The following TMEM232 variants were observed in gnomAD, a reference collection of about 807,000 sequenced individuals.
The protein encoded by TMEM232 is transmembrane protein 232.
In TMEM232, 80 loss-of-function variants were observed where a neutral mutation model predicts 78.8. That is an observed-to-expected ratio of 1.01 (90% CI 0.85 to 1.22). The LOEUF is 1.22. TMEM232 is among the 50% of genes most tolerant of loss of function. The pLI, the probability that TMEM232 is intolerant of heterozygous loss-of-function variation, is 0.00. For missense variants in TMEM232, 881 were observed against 742.2 expected, an observed-to-expected ratio of 1.19 and a Z score of -2.17; for synonymous variants, 297 against 254.3, an observed-to-expected ratio of 1.17 and a Z score of -1.60.
intron 1 of TMEM232, among the ~76,000 whole-genome samples, chr5:110,717,803 C>T (rs1198356826): frequency 6.6e-6 from 1 of 152,114 alleles, no homozygotes; most frequent in Non-Finnish European, 1.5e-5. Context: ...TCTCCTGACA[C>T]CATGTGAAGG....
intron 12 of TMEM232, 131 bp downstream of exon 12, chr5:110,528,457 G>C (rs1770934113): frequency 2.3e-6 from 2 of 861,716 alleles, no homozygotes; most frequent in Non-Finnish European, 3.3e-6. Flanking sequence ...TCATCTAAGA[G>C]GTGATCAAGC....
At chr5:110,511,767 CA>C (rs1055116379) in intron 12 of TMEM232, among the ~76,000 whole-genome samples, 8 of 152,170 alleles carry the variant, frequency 5.3e-5, no homozygotes, top group African/African-American at 1.9e-4. Context: ...ACCTCAAACA[CA>C]AACACATACT....
upstream of TMEM232, among the ~76,000 whole-genome samples, chr5:110,731,311 C>G (rs560339987): frequency 6.6e-6 from 1 of 152,320 alleles, no homozygotes; most frequent in African/African-American, 2.4e-5. Flanking sequence ...GTTGGTGGAC[C>G]TAACATTCTG....
At chr5:110,410,306 T>A (rs1755944228) in intron 2 of TMEM232, among the ~76,000 whole-genome samples, 6 of 152,238 alleles carry the variant, frequency 3.9e-5, no homozygotes, top group Non-Finnish European at 1.5e-5. Context: ...TTTTAAATAC[T>A]CATGCATACG....
intron 12 of TMEM232, among the ~76,000 whole-genome samples, chr5:110,518,146 T>C (rs199615442): frequency 2.7e-5 from 4 of 149,566 alleles, no homozygotes; most frequent in Admixed American, 6.7e-5. Context: ...CTCTCTCTCT[T>C]TCTCTGTCTC....
chr5:110,531,632 T>C (rs974915175), intron 11 of TMEM232, among the ~76,000 whole-genome samples: 3 of 152,172 alleles, frequency 2.0e-5, no homozygotes, highest in African/African-American at 7.2e-5. Context: ...TTTATTCGTC[T>C]CCTTTTAGCC....
At chr5:110,706,411 A>C (rs1033443183) in intron 1 of TMEM232, among the ~76,000 whole-genome samples, 7 of 152,016 alleles carry the variant, frequency 4.6e-5, no homozygotes, top group Non-Finnish European at 1.0e-4. Context: ...ATTATTGATT[A>C]TTTTTCTAAT....
chr5:110,450,287 T>C (rs1760126180), intron 12 of TMEM232, among the ~76,000 whole-genome samples: 1 of 152,164 alleles, frequency 6.6e-6, no homozygotes. Flanking sequence ...CAATTATTTT[T>C]TAGCTCTTCT....
chr5:110,420,292 A>ACAAT lies in TMEM232; in HGVS notation c.*284_*287dup, dbSNP rs1395061382. ...GAGAATCAGTTATCAAGTATGCTGT[A>ACAAT]CAATCATGAGATAAAGGTCAATTGA... On this transcript the variant is annotated 3_prime_UTR_variant, in exon 14 of 14. Coordinates refer to ENST00000455884, the MANE Select transcript of TMEM232 (RefSeq NM_001039763.4). 1 of 226,548 alleles carries ACAAT rather than the reference A, an allele frequency of 4.4e-6. No homozygotes were observed. Among genetic ancestry groups the ACAAT allele is most frequent in the African/African-American group, 2.3e-5 (1 of 43,994 alleles). 14.0% of individuals were successfully genotyped at this position (226,548 alleles called of 1,614,324 possible).
chr5:110,528,941 T>G, intron 11 of TMEM232, 106 bp from the exon 12 acceptor site: 2 of 1,034,298 alleles, frequency 1.9e-6, no homozygotes, highest in Non-Finnish European at 2.5e-6. Context: ...CTTTGACTAA[T>G]ATTGCATTTT....
chr5:110,659,077 T>C (rs576966339), intron 2 of TMEM232, among the ~76,000 whole-genome samples: 6 of 152,230 alleles, frequency 3.9e-5, no homozygotes, highest in East Asian at 1.9e-4. Context: ...TCCCATAATA[T>C]GCGTCTTTTG....
intron 10 of TMEM232, among the ~76,000 whole-genome samples, chr5:110,590,345 G>A (rs551966908): frequency 6.6e-6 from 1 of 152,160 alleles, no homozygotes; most frequent in African/African-American, 2.4e-5. Context: ...TGTCCTGTTA[G>A]GAATTGGGCC....
intron 2 of TMEM232, among the ~76,000 whole-genome samples, chr5:110,652,465 T>C (rs1788472691): frequency 6.6e-6 from 1 of 152,236 alleles, no homozygotes; most frequent in African/African-American, 2.4e-5. Context: ...TAATATCTAA[T>C]TCAATTTCTA....
rs140602604 is a variant in TMEM232 at position 110,690,678 on chromosome 5, T to C, written c.-12-23314A>G. Among the ~76,000 whole-genome samples the C allele has an allele frequency of 9.0e-3, 1,371 of 152,306 alleles. 11 individuals are homozygous for C. The highest frequency in any genetic ancestry group is 0.012 in the Non-Finnish European group (795 of 68,022). Reference sequence around the variant, plus strand: ...TACTATAAACACACATGCACACATATGCTTATTGCAGCACTATTCACAGTA... The same window carrying C: ...TACTATAAACACACATGCACACATACGCTTATTGCAGCACTATTCACAGTA... On this transcript the variant is annotated intron_variant, in intron 1 of 13. Coordinates refer to ENST00000455884, the MANE Select transcript of TMEM232 (RefSeq NM_001039763.4).
At position 110,464,612 on chromosome 5, in the gene TMEM232, G is replaced by T. The variant is rs934502294; in HGVS notation, c.1704-39696C>A. On this transcript the variant is annotated intron_variant, in intron 12 of 13. Coordinates refer to ENST00000455884, the MANE Select transcript of TMEM232 (RefSeq NM_001039763.4). ...GGTGTATCACAAAGAATCAGTCAGAGAATTTTAAAATGTCATCTTTATATA... is the reference window on the plus strand; with the variant it reads ...GGTGTATCACAAAGAATCAGTCAGATAATTTTAAAATGTCATCTTTATATA... Among the ~76,000 whole-genome samples, 28 of 152,186 alleles carry T rather than the reference G, an allele frequency of 1.8e-4. 1 individual carries two copies. The highest frequency in any genetic ancestry group is 5.9e-4 in the Admixed American group (9 of 15,284).
At chr5:110,690,890 C>T (rs1794035861) in intron 1 of TMEM232, among the ~76,000 whole-genome samples, 1 of 151,848 alleles carries the variant, frequency 6.6e-6, no homozygotes, top group South Asian at 2.1e-4. Flanking sequence ...AACCAAACAC[C>T]ACATGTTCTC....
At chr5:110,437,701 A>G (rs971963284) in intron 12 of TMEM232, among the ~76,000 whole-genome samples, 3 of 152,092 alleles carry the variant, frequency 2.0e-5, no homozygotes, top group African/African-American at 7.2e-5. Flanking sequence ...AAATGTTATG[A>G]AGCACCAGTT....
At chr5:110,430,614 T>C (rs1665917235) in intron 12 of TMEM232, among the ~76,000 whole-genome samples, 1 of 151,812 alleles carries the variant, frequency 6.6e-6, no homozygotes, top group African/African-American at 2.4e-5. Context: ...TGTTTTCCTC[T>C]AAAATTTCAC....
intron 8 of TMEM232, among the ~76,000 whole-genome samples, chr5:110,614,920 G>A (rs1370493273): frequency 6.6e-6 from 1 of 151,814 alleles, no homozygotes; most frequent in Non-Finnish European, 1.5e-5. Flanking sequence ...AATATACTAA[G>A]TAAAATTATA....
Sources: gnomAD v4.1 joint callset for allele counts (sites outside exome capture counted in the v4.1 genomes callset) on GRCh38, gnomAD v4.1.1 for gene constraint, MANE v1.5 for transcripts, NCBI Gene and HGNC (gene_info 2026-07-23, HGNC 2026-07-21) for gene names.